ATF7IP: variants seen among roughly 807,000 people sequenced by gnomAD.
ATF7IP encodes the protein activating transcription factor 7-interacting protein 1.
Under a neutral mutation model 106.4 loss-of-function variants are expected in ATF7IP, and 23 were observed. The observed-to-expected ratio is 0.22, with a 90% confidence interval of 0.16 to 0.31. The LOEUF (loss-of-function observed/expected upper bound fraction) is 0.31, where lower values mean the gene tolerates loss of function less well. Ranked by LOEUF, ATF7IP falls within the 10% of genes least tolerant of loss-of-function variation. ATF7IP has a pLI of 1.00. For synonymous variants in ATF7IP, 542 were observed against 539.0 expected (o/e 1.01, Z -0.08); for missense variants, 1,334 against 1,524.3 (o/e 0.88, Z 2.08).
At chr12:14,394,455 T>C (rs1285819235) in intron 1 of ATF7IP, among the ~76,000 whole-genome samples, 1 of 152,198 alleles carries the variant, frequency 6.6e-6, no homozygotes, top group African/African-American at 2.4e-5. Context: ...ATATCAAATA[T>C]ATGTAGATAA....
intron 1 of ATF7IP, among the ~76,000 whole-genome samples, chr12:14,399,034 T>C (rs1455417652): frequency 6.6e-6 from 1 of 152,144 alleles, no homozygotes; most frequent in Non-Finnish European, 1.5e-5. Context: ...AACTTACACA[T>C]TGCAATTATC....
chr12:14,497,819 G>T lies in ATF7IP; in HGVS notation c.3559G>T (p.Asp1187Tyr), dbSNP rs2136884698. Residue 1187 changes from aspartate (D) to tyrosine (Y), a missense_variant, in exon 15 of 15, where the codon GAT becomes TAT. Transcript: ENST00000261168. Reference protein sequence around the residue: ...IVLSWSVLEVDRSCATVDSYH... With the variant: ...IVLSWSVLEVYRSCATVDSYH... ...ACTGTCATGGAGTGTCCTGGAGGTGGATCGAAGCTGTGCCACTGTTGATAG... is the reference window on the plus strand; with the variant it reads ...ACTGTCATGGAGTGTCCTGGAGGTGTATCGAAGCTGTGCCACTGTTGATAG... 6.2e-7 allele frequency: 1 copy of T among 1,614,118 alleles called. No individual in the cohort carries two copies. The highest frequency in any genetic ancestry group is 1.1e-5 in the South Asian group (1 of 91,084).
Position 14,502,136 on chromosome 12 carries a change from C to T in ATF7IP, c.*4063C>T, listed in dbSNP as rs1945175135. On this transcript the variant is annotated 3_prime_UTR_variant, in exon 15 of 15. Coordinates refer to ENST00000261168, the MANE Select transcript of ATF7IP (RefSeq NM_018179.5). ...GTTTTATCACTGACCTGTGGTTGGC[C>T]TGTTTTATTCTAATTTCCAGAAAAG... The T allele has an allele frequency of 6.6e-6, 1 of 152,174 alleles. No individual in the cohort carries two copies. Among genetic ancestry groups the T allele is most frequent in the Admixed American group, 6.5e-5 (1 of 15,272 alleles). The allele number at this position is 152,174 out of a possible 1,614,324, so 9.4% of individuals were successfully genotyped here. A position where few individuals can be genotyped will look rare whatever the true frequency, so the allele number is the denominator to read the frequency against.
At chr12:14,480,511 A>T (rs7296793) in intron 12 of ATF7IP, among the ~76,000 whole-genome samples, 15,863 of 152,230 alleles carry the variant, frequency 0.1, 1,039 homozygotes, top group African/African-American at 0.19. Context: ...GGTCAAAGAG[A>T]TAGGTTGGCT....
chr12:14,425,764 T>G (rs1565500991), intron 2 of ATF7IP, among the ~76,000 whole-genome samples: 1 of 152,218 alleles, frequency 6.6e-6, no homozygotes, highest in Admixed American at 6.5e-5. Flanking sequence ...CAGTTTAAGT[T>G]AGTACATAAT....
chr12:14,414,610 TTTTACCTCTGCC>T (rs1941105507), intron 1 of ATF7IP, among the ~76,000 whole-genome samples: 2 of 152,206 alleles, frequency 1.3e-5, no homozygotes, highest in Non-Finnish European at 2.9e-5. Context: ...CATATTGGTC[TTTTACCTCTGCC>T]ACAAGGCCTA....
At chr12:14,467,906 A>G (rs946132977) in intron 10 of ATF7IP, among the ~76,000 whole-genome samples, 1 of 152,208 alleles carries the variant, frequency 6.6e-6, no homozygotes, top group Non-Finnish European at 1.5e-5. Flanking sequence ...GACCACACAG[A>G]TACAGACTGT....
intron 1 of ATF7IP, among the ~76,000 whole-genome samples, chr12:14,410,815 A>G (rs2136498085): frequency 6.6e-6 from 1 of 152,260 alleles, no homozygotes. Context: ...AGTTTCAGGC[A>G]TTCAGTGGGT....
intron 10 of ATF7IP, among the ~76,000 whole-genome samples, chr12:14,473,092 C>A (rs1464517663): frequency 6.6e-6 from 1 of 152,070 alleles, no homozygotes; most frequent in Non-Finnish European, 1.5e-5. Context: ...GTTTTTAGAC[C>A]ATTTATAGTT....
At chr12:14,444,532 T>G (rs544665427) in intron 5 of ATF7IP, among the ~76,000 whole-genome samples, 21 of 152,146 alleles carry the variant, frequency 1.4e-4, no homozygotes, top group Admixed American at 2.6e-4. Context: ...TTCATTTTTT[T>G]AAAATGTCTC....
chr12:14,378,331 C>T (rs1938849307), intron 1 of ATF7IP, among the ~76,000 whole-genome samples: 1 of 152,104 alleles, frequency 6.6e-6, no homozygotes, highest in Middle Eastern at 3.2e-3. Flanking sequence ...CTCCCGACCT[C>T]AGGTGATCTG....
At chr12:14,468,355 T>C (rs1443116585) in intron 10 of ATF7IP, among the ~76,000 whole-genome samples, 3 of 150,698 alleles carry the variant, frequency 2.0e-5, no homozygotes, top group East Asian at 3.9e-4. Context: ...TATAAGACAC[T>C]TGAGGTGGGG....
intron 10 of ATF7IP, among the ~76,000 whole-genome samples, chr12:14,473,690 A>C (rs1944145889): frequency 6.6e-6 from 1 of 152,002 alleles, no homozygotes; most frequent in African/African-American, 2.4e-5. Flanking sequence ...TCATCTTTAC[A>C]GTGTAGATCT....
At chr12:14,402,891 C>T (rs900411280) in intron 1 of ATF7IP, among the ~76,000 whole-genome samples, 1 of 152,118 alleles carries the variant, frequency 6.6e-6, no homozygotes, top group Non-Finnish European at 1.5e-5. Context: ...AGCCACAGCT[C>T]CTGGCCTGAA....
chr12:14,459,181 C>G (rs539317905), intron 8 of ATF7IP, among the ~76,000 whole-genome samples: 1 of 152,204 alleles, frequency 6.6e-6, no homozygotes, highest in East Asian at 1.9e-4. Context: ...CTTCAAAATA[C>G]CCAAACGTGA....
chr12:14,468,320 A>G (rs1469438441), intron 10 of ATF7IP, among the ~76,000 whole-genome samples: 3 of 151,564 alleles, frequency 2.0e-5, no homozygotes, highest in East Asian at 1.9e-4. Context: ...TCATAAATAC[A>G]TAAGTGAAAT....
At chr12:14,394,151 A>G (rs1565478472) in intron 1 of ATF7IP, among the ~76,000 whole-genome samples, 1 of 152,228 alleles carries the variant, frequency 6.6e-6, no homozygotes. Context: ...TACTTCTAAG[A>G]GCACATCTAC....
In ATF7IP at chr12:14,443,124, C is replaced by T. The variant is rs534847165; in HGVS notation, c.1930-3864C>T. Among the ~76,000 whole-genome samples the T allele has an allele frequency of 6.6e-5, 10 of 152,126 alleles. No individual in the cohort carries two copies. The East Asian group carries it at 1.5e-3, about 23-fold the overall frequency. On this transcript the variant is annotated intron_variant, in intron 5 of 14. Transcript: ENST00000261168. ...TAGCCAAGATTGTGCCCTTGCATTCCAGCCTGGGCAACAGAGCAAGACTCT... is the reference window on the plus strand; with the variant it reads ...TAGCCAAGATTGTGCCCTTGCATTCTAGCCTGGGCAACAGAGCAAGACTCT...
intron 9 of ATF7IP, 30 bp downstream of exon 9, chr12:14,461,163 A>C (rs746568126): frequency 1.3e-6 from 2 of 1,583,004 alleles, no homozygotes. Flanking sequence ...TAATACTAGA[A>C]ATGCAAGCAT....
Sources: allele counts gnomAD v4.1 joint callset (sites outside exome capture counted in the v4.1 genomes callset), GRCh38; gene constraint gnomAD v4.1.1; transcripts MANE v1.5; gene names NCBI Gene and HGNC (gene_info 2026-07-23, HGNC 2026-07-21).